MAST4: variants seen among roughly 807,000 people sequenced by gnomAD.
MAST4 encodes microtubule associated serine/threonine kinase family member 4.
Under a neutral mutation model 162.7 loss-of-function variants are expected in MAST4, and 89 were observed. The observed-to-expected ratio is 0.55, with a 90% CI of 0.46 to 0.65. The LOEUF (loss-of-function observed/expected upper bound fraction) is 0.65, where lower values mean the gene tolerates loss of function less well. MAST4 is among the 30% of genes least tolerant of loss of function. The pLI is 0.00. For missense variants in MAST4, 3,153 were observed against 3,374.0 expected (o/e 0.93, Z 1.62); for synonymous variants, 1,479 against 1,361.1 (o/e 1.09, Z -1.91).
Position 66,640,313 on chromosome 5 carries a change from T to C in MAST4, c.363+43295T>C, listed in dbSNP as rs1041394596. On this transcript the variant is annotated intron_variant, in intron 1 of 28. Transcript: ENST00000403625. ...TGGATATCTCACAATTTGTTTCTTT[T>C]TTTTTTTTTTTTGAGACGGAGTCTC... 1.1e-3 allele frequency among the ~76,000 whole-genome samples: 160 copies of C among 151,208 alleles called. 2 individuals are homozygous for C. The highest frequency in any genetic ancestry group is 1.8e-4 in the Non-Finnish European group (12 of 67,622).
intron 12 of MAST4, among the ~76,000 whole-genome samples, chr5:67,116,677 A>G (rs1057010300): frequency 5.9e-5 from 9 of 151,622 alleles, no homozygotes; most frequent in Non-Finnish European, 4.4e-5. Flanking sequence ...TTAGCTGGGC[A>G]TGGTGGCACA....
chr5:66,800,710 A>G (rs1287481198), intron 3 of MAST4, among the ~76,000 whole-genome samples: 1 of 152,172 alleles, frequency 6.6e-6, no homozygotes, highest in African/African-American at 2.4e-5. Flanking sequence ...AAAACACTAC[A>G]TAAATAAATA....
intron 4 of MAST4, chr5:66,959,340 C>G: frequency 1.3e-6 from 1 of 779,198 alleles, no homozygotes; most frequent in South Asian, 1.3e-5. Context: ...CTGCATGGCA[C>G]TCGCTTTCTG....
At chr5:66,939,464 T>C (rs1331042937) in intron 4 of MAST4, among the ~76,000 whole-genome samples, 1 of 152,210 alleles carries the variant, frequency 6.6e-6, no homozygotes, top group Non-Finnish European at 1.5e-5. Flanking sequence ...TATCTCATTG[T>C]TAATTTAATT....
chr5:66,916,981 A>G (rs1331574988), intron 4 of MAST4: 2 of 717,964 alleles, frequency 2.8e-6, no homozygotes, highest in South Asian at 1.5e-5. Flanking sequence ...TTTCTCCTAT[A>G]GGATAGATTC....
At chr5:67,087,482 C>T (rs554802328) in intron 5 of MAST4, among the ~76,000 whole-genome samples, 82 of 152,294 alleles carry the variant, frequency 5.4e-4, no homozygotes, top group African/African-American at 1.9e-3. Context: ...TTGGCTTTCC[C>T]AGTCTGAATT....
At chr5:67,026,355 A>G (rs928162827) in intron 4 of MAST4, among the ~76,000 whole-genome samples, 26 of 152,290 alleles carry the variant, frequency 1.7e-4, no homozygotes, top group African/African-American at 5.8e-4. Context: ...AACAGTTTCT[A>G]ATGGAGAGGA....
intron 10 of MAST4, among the ~76,000 whole-genome samples, chr5:67,107,982 C>T (rs1476100947): frequency 6.6e-6 from 1 of 152,192 alleles, no homozygotes; most frequent in Non-Finnish European, 1.5e-5. Context: ...AATTTCTCTT[C>T]ATGGGCTAAT....
chr5:67,069,313 A>ATATATATATATATATATATAT lies in MAST4; in HGVS notation c.763+14821_763+14822insTATATATATATATATATATAT, dbSNP rs1230619144. On this transcript the variant is annotated intron_variant, in intron 5 of 28. Transcript: ENST00000403625. ...ATATATATATATATATATATATATA[A>ATATATATATATATATATATAT]AATTTTAAAATATTCCTTCTAAGGC... is the stretch of plus-strand genomic sequence containing the variant. Among the ~76,000 whole-genome samples, 464 of 64,948 alleles carry ATATATATATATATATATATAT rather than the reference A, an allele frequency of 7.1e-3. 12 individuals carry two copies. The highest frequency in any genetic ancestry group is 8.8e-3 in the Non-Finnish European group (312 of 35,482). The allele number at this position is 64,948 out of a possible 152,430, so 42.6% of individuals were successfully genotyped here. A position where few individuals can be genotyped will look rare whatever the true frequency, so the allele number is the denominator to read the frequency against.
chr5:66,914,113 T>C (rs1319120196), intron 4 of MAST4, among the ~76,000 whole-genome samples: 2 of 152,186 alleles, frequency 1.3e-5, no homozygotes, highest in African/African-American at 4.8e-5. Context: ...GTTGCCTTAA[T>C]TGTAGGATCA....
At chr5:66,687,678 A>ATCTATCTG (rs1272114133) in intron 1 of MAST4, among the ~76,000 whole-genome samples, 15 of 150,054 alleles carry the variant, frequency 1.0e-4, no homozygotes, top group Non-Finnish European at 1.3e-4. Flanking sequence ...CTATCTATCT[A>ATCTATCTG]TACGCACCAC....
intron 1 of MAST4, among the ~76,000 whole-genome samples, chr5:66,755,503 T>C (rs1413232558): frequency 6.6e-6 from 1 of 152,186 alleles, no homozygotes; most frequent in Non-Finnish European, 1.5e-5. Flanking sequence ...AGATGGGTGG[T>C]ATTACTAGGG....
intron 1 of MAST4, among the ~76,000 whole-genome samples, chr5:66,645,884 A>G (rs1179438899): frequency 1.3e-5 from 2 of 152,114 alleles, no homozygotes; most frequent in Non-Finnish European, 2.9e-5. Flanking sequence ...TTTCTCATAT[A>G]TGGAACATTC....
chr5:67,023,453 G>C (rs933716546), intron 4 of MAST4, among the ~76,000 whole-genome samples: 1 of 152,204 alleles, frequency 6.6e-6, no homozygotes, highest in South Asian at 2.1e-4. Context: ...CAAGCCATAC[G>C]TAGCTCTATG....
At position 66,870,988 on chromosome 5, in the gene MAST4, C is replaced by T. The variant is rs553798947; in HGVS notation, c.643-28963C>T. On this transcript the variant is annotated intron_variant, in intron 3 of 28. Transcript: ENST00000403625. ...TATGGATATTGAGAGGAGTCAAAGT[C>T]TTCTCTATTAAATCAAGACCATACA... 7.0e-4 allele frequency: 260 copies of T among 374,040 alleles called. 3 individuals carry two copies. Among genetic ancestry groups the T allele is most frequent in the Middle Eastern group, 5.5e-3 (13 of 2,366 alleles). 23.2% of individuals were successfully genotyped at this position (374,040 alleles called of 1,614,324 possible).
At chr5:67,091,222 G>A (rs16896246) in intron 6 of MAST4, among the ~76,000 whole-genome samples, 15,254 of 152,134 alleles carry the variant, frequency 0.1, 1,721 homozygotes, top group African/African-American at 0.27. Flanking sequence ...TGCATTTTAC[G>A]TTACTAAGTC....
At chr5:67,003,464 G>T (rs574971199) in intron 4 of MAST4, among the ~76,000 whole-genome samples, 9 of 152,120 alleles carry the variant, frequency 5.9e-5, no homozygotes, top group African/African-American at 1.2e-4. Context: ...TACCTTGTCA[G>T]CTTACACCCC....
intron 1 of MAST4, among the ~76,000 whole-genome samples, chr5:66,711,132 C>T (rs770070680): frequency 2.0e-5 from 3 of 152,182 alleles, no homozygotes; most frequent in Non-Finnish European, 2.9e-5. Flanking sequence ...CCAAATGCTG[C>T]GTCCATGAGG....
At chr5:66,629,584 T>G (rs1744667776) in intron 1 of MAST4, among the ~76,000 whole-genome samples, 1 of 152,204 alleles carries the variant, frequency 6.6e-6, no homozygotes, top group Non-Finnish European at 1.5e-5. Context: ...TTTTACCACA[T>G]TTATAGCAGC....
Sources: gnomAD v4.1 joint callset for allele counts (sites outside exome capture counted in the v4.1 genomes callset) on GRCh38, gnomAD v4.1.1 for gene constraint, MANE v1.5 for transcripts, NCBI Gene and HGNC (gene_info 2026-07-23, HGNC 2026-07-21) for gene names.